Variants in KCNJ15 observed in about 807,000 individuals in gnomAD.
KCNJ15 encodes ATP-sensitive inward rectifier potassium channel 15.
KCNJ15 carries 14 observed loss-of-function variants against 23.0 expected under a neutral mutation model. That is an observed-to-expected ratio of 0.61 (90% CI 0.40 to 0.95). The LOEUF (loss-of-function observed/expected upper bound fraction) is 0.95. KCNJ15 is among the 40% of genes least tolerant of loss of function. KCNJ15 has a pLI of 0.00. For missense variants in KCNJ15, 388 were observed against 461.8 expected (o/e 0.84, Z 1.46); for synonymous variants, 185 against 183.2 (o/e 1.01, Z -0.08).
At chr21:38,272,697 C>G (rs543141300) in intron 1 of KCNJ15, 150 of 152,238 alleles carry the variant, frequency 9.9e-4, no homozygotes, top group African/African-American at 3.5e-3. Flanking sequence ...TGACTTTTCC[C>G]CATTATCTGC....
At chr21:38,290,303 G>T (rs571631500) in intron 1 of KCNJ15, among the ~76,000 whole-genome samples, 4 of 152,090 alleles carry the variant, frequency 2.6e-5, no homozygotes, top group Non-Finnish European at 4.4e-5. Context: ...TAAAGAATTC[G>T]CATCGAGGAG....
chr21:38,271,224 A>G (rs1315267899), intron 1 of KCNJ15, among the ~76,000 whole-genome samples: 1 of 152,248 alleles, frequency 6.6e-6, no homozygotes, highest in Non-Finnish European at 1.5e-5. Flanking sequence ...ATAGAAAGCT[A>G]AAACTTAAAG....
At chr21:38,257,533 C>T (rs1212689922) in intron 1 of KCNJ15, among the ~76,000 whole-genome samples, 1 of 152,224 alleles carries the variant, frequency 6.6e-6, no homozygotes, top group Non-Finnish European at 1.5e-5. Context: ...TGTTGATTTT[C>T]AGCGATTACA....
At chr21:38,231,605 C>CCCT in intron 1 of KCNJ15, among the ~76,000 whole-genome samples, 1 of 151,838 alleles carries the variant, frequency 6.6e-6, no homozygotes, top group East Asian at 1.9e-4. Flanking sequence ...TTTGTAGATA[C>CCCT]CCTTCATCAA....
chr21:38,280,846 G>A (rs975145390), intron 1 of KCNJ15, among the ~76,000 whole-genome samples: 17 of 152,176 alleles, frequency 1.1e-4, no homozygotes, highest in Admixed American at 4.6e-4. Flanking sequence ...TAAGCCCCAC[G>A]GCATTCACTG....
intron 1 of KCNJ15, among the ~76,000 whole-genome samples, chr21:38,267,685 C>T (rs1449067967): frequency 6.6e-6 from 1 of 152,138 alleles, no homozygotes; most frequent in Non-Finnish European, 1.5e-5. Flanking sequence ...TTGGTAGCAC[C>T]TTGCCAACTC....
intron 1 of KCNJ15, among the ~76,000 whole-genome samples, chr21:38,250,591 T>TG (rs1979758195): frequency 6.6e-6 from 1 of 152,204 alleles, no homozygotes; most frequent in African/African-American, 2.4e-5. Flanking sequence ...GACAGTTTGA[T>TG]GGAACTTGGT....
At chr21:38,254,777 C>T (rs1201257773), upstream of KCNJ15, among the ~76,000 whole-genome samples, 2 of 152,152 alleles carry the variant, frequency 1.3e-5, no homozygotes, top group Non-Finnish European at 2.9e-5. Context: ...TACAACTAAT[C>T]ATGCCTACAT....
intron 1 of KCNJ15, among the ~76,000 whole-genome samples, chr21:38,271,584 G>A (rs548376985): frequency 2.6e-5 from 4 of 152,270 alleles, no homozygotes; most frequent in Admixed American, 2.6e-4. Context: ...GTCTTTCCTG[G>A]AGCTCTCTCA....
At chr21:38,264,414 C>A (rs550801060) in intron 1 of KCNJ15, among the ~76,000 whole-genome samples, 2 of 152,342 alleles carry the variant, frequency 1.3e-5, no homozygotes, top group South Asian at 4.1e-4. Flanking sequence ...CCCTGCTTGG[C>A]CCCACTTTAC....
At chr21:38,290,941 G>C (rs1666278131) in intron 1 of KCNJ15, among the ~76,000 whole-genome samples, 3 of 150,246 alleles carry the variant, frequency 2.0e-5, no homozygotes, top group African/African-American at 7.4e-5. Flanking sequence ...ATAAAGTGTA[G>C]AGTTTAGACC....
upstream of KCNJ15, among the ~76,000 whole-genome samples, chr21:38,255,833 C>T (rs1237589271): frequency 6.6e-6 from 1 of 152,156 alleles, no homozygotes; most frequent in East Asian, 1.9e-4. Flanking sequence ...TCATTTCCAA[C>T]AGAAGCAAAG....
intron 1 of KCNJ15, among the ~76,000 whole-genome samples, chr21:38,268,004 C>T (rs1445612149): frequency 6.6e-6 from 1 of 152,166 alleles, no homozygotes; most frequent in Admixed American, 6.5e-5. Flanking sequence ...GCCTTCTGAA[C>T]AGGTTGAATA....
At chr21:38,238,178 T>A in intron 1 of KCNJ15, 1 of 422,702 alleles carries the variant, frequency 2.4e-6, no homozygotes, top group Non-Finnish European at 4.5e-6. Flanking sequence ...GAGTCTTTAG[T>A]CAGTTGGGAA....
At chr21:38,264,300 A>G (rs1282805334) in intron 1 of KCNJ15, among the ~76,000 whole-genome samples, 2 of 152,186 alleles carry the variant, frequency 1.3e-5, no homozygotes, top group African/African-American at 4.8e-5. Flanking sequence ...ATTGGCTTAG[A>G]CTCAGGTCTG....
intron 1 of KCNJ15, among the ~76,000 whole-genome samples, chr21:38,287,143 A>G (rs1297803563): frequency 1.3e-5 from 2 of 152,212 alleles, no homozygotes; most frequent in African/African-American, 4.8e-5. Flanking sequence ...TCACTAGTCC[A>G]CCAAAAAAGA....
Position 38,299,978 on chromosome 21 carries a change from G to A in KCNJ15, c.717G>A (p.Val239=), listed in dbSNP as rs774619989. ...LLNQATVKFH[V]DSSSESPFLI... ...ACCAAGCCACTGTCAAATTCCACGTGGACTCCTCCTCTGAGAGCCCCTTCC... is the reference window on the plus strand; with the variant it reads ...ACCAAGCCACTGTCAAATTCCACGTAGACTCCTCCTCTGAGAGCCCCTTCC... The change falls in exon 3 of 3, where the codon GTG becomes GTA. Residue 239 remains valine (V), a synonymous_variant. Coordinates refer to ENST00000398938, the MANE Select transcript of KCNJ15 (RefSeq NM_170736.3). The surrounding 1 kb of genome is among the most constrained non-coding windows in gnomAD (Gnocchi z 4.5). 3 of 1,613,844 alleles carry A rather than the reference G, an allele frequency of 1.9e-6. No homozygotes were observed. The Admixed American group carries it at 5.0e-5, about 27-fold the overall frequency.
chr21:38,240,546 A>G (rs1455125253), intron 1 of KCNJ15, among the ~76,000 whole-genome samples: 1 of 152,212 alleles, frequency 6.6e-6, no homozygotes, highest in African/African-American at 2.4e-5. Context: ...CTCAAAATGC[A>G]TCTGAGTTGT....
chr21:38,250,511 A>G (rs746753906), intron 1 of KCNJ15, among the ~76,000 whole-genome samples: 5 of 152,212 alleles, frequency 3.3e-5, no homozygotes, highest in African/African-American at 1.2e-4. Flanking sequence ...GGCCTGATCT[A>G]TGCTCAGGAA....
Sources: gnomAD v4.1 joint callset for allele counts (sites outside exome capture counted in the v4.1 genomes callset) on GRCh38, gnomAD v4.1.1 for gene constraint, Gnocchi (gnomAD v3.1) non-coding constraint, MANE v1.5 for transcripts, NCBI Gene and HGNC (gene_info 2026-07-23, HGNC 2026-07-21) for gene names.